Variants in MCTP2 observed in about 807,000 individuals in gnomAD.
The protein encoded by MCTP2 is multiple C2 and transmembrane domain containing 2.
MCTP2 carries 132 observed loss-of-function variants against 111.6 expected under a neutral mutation model. The observed-to-expected ratio is 1.18, with a 90% CI of 1.03 to 1.37. The LOEUF (loss-of-function observed/expected upper bound fraction) is 1.37. MCTP2 is among the 40% of genes most tolerant of loss of function. The probability of loss-of-function intolerance (pLI) is 0.00; values close to 1 mark genes in which losing one functional copy is unlikely to be tolerated. For synonymous variants in MCTP2, 395 were observed against 387.7 expected, an observed-to-expected ratio of 1.02 and a Z score of -0.22; for missense variants, 1,183 against 1,067.9, an observed-to-expected ratio of 1.11 and a Z score of -1.50.
chr15:94,345,411 T>A (rs957747373), intron 8 of MCTP2, among the ~76,000 whole-genome samples: 2 of 150,024 alleles, frequency 1.3e-5, no homozygotes, highest in Non-Finnish European at 2.9e-5. Flanking sequence ...TGTTAGAGTG[T>A]TACACTTCAT....
At chr15:94,294,780 G>T (rs1427092889) in intron 1 of MCTP2, among the ~76,000 whole-genome samples, 1 of 152,066 alleles carries the variant, frequency 6.6e-6, no homozygotes, top group African/African-American at 2.4e-5. Flanking sequence ...TCTCCCCTAG[G>T]ATTCCTAAGC....
At chr15:94,474,855 C>CTAAG (rs1245588084) in intron 21 of MCTP2, among the ~76,000 whole-genome samples, 7 of 113,814 alleles carry the variant, frequency 6.2e-5, no homozygotes, top group Admixed American at 6.0e-4. Context: ...AATTTTTATC[C>CTAAG]TAAGTTTTTT....
At chr15:94,233,768 A>G (rs1046674364) in intron 1 of MCTP2, among the ~76,000 whole-genome samples, 1 of 152,222 alleles carries the variant, frequency 6.6e-6, no homozygotes, top group Non-Finnish European at 1.5e-5. Context: ...CAGGAAAGTA[A>G]TTTTCAAATT....
chr15:94,278,634 G>T (rs1020605242), intron 1 of MCTP2, among the ~76,000 whole-genome samples: 1 of 152,106 alleles, frequency 6.6e-6, no homozygotes, highest in Non-Finnish European at 1.5e-5. Context: ...TGTTCCATGA[G>T]TAAATTGCAT....
chr15:94,350,919 A>G (rs1036450559), intron 8 of MCTP2, among the ~76,000 whole-genome samples: 1 of 152,048 alleles, frequency 6.6e-6, no homozygotes, highest in Non-Finnish European at 1.5e-5. Flanking sequence ...CATTAGAAGC[A>G]TTTCGCTGGT....
At chr15:94,298,913 C>T (rs1200706084) in intron 2 of MCTP2, among the ~76,000 whole-genome samples, 183 bp downstream of exon 2, 1 of 52,744 alleles carries the variant, frequency 1.9e-5, no homozygotes, top group East Asian at 7.8e-4. Context: ...CCCTCTCCCT[C>T]CCTCCCTCTC....
intron 1 of MCTP2, among the ~76,000 whole-genome samples, chr15:94,233,301 C>A (rs867330978): frequency 8.6e-5 from 13 of 151,610 alleles, no homozygotes; most frequent in Admixed American, 2.6e-4. Flanking sequence ...AAAGGCCTTT[C>A]AAAATATGTT....
At chr15:94,466,588 T>C (rs2073333713) in intron 20 of MCTP2, among the ~76,000 whole-genome samples, 1 of 152,050 alleles carries the variant, frequency 6.6e-6, no homozygotes, top group Non-Finnish European at 1.5e-5. Flanking sequence ...CTTTATGCAA[T>C]GGTCTCATAT....
chr15:94,396,304 A>T (rs369142009), intron 14 of MCTP2, among the ~76,000 whole-genome samples: 15 of 152,298 alleles, frequency 9.8e-5, no homozygotes, highest in East Asian at 9.6e-4. Context: ...AATGAAAAGT[A>T]TATATAGATT....
chr15:94,470,931 T>C (rs2073875366), intron 21 of MCTP2, among the ~76,000 whole-genome samples: 1 of 152,034 alleles, frequency 6.6e-6, no homozygotes, highest in South Asian at 2.1e-4. Flanking sequence ...GGAGGGGGCG[T>C]TCTGTGAATA....
chr15:94,348,093 T>C (rs1302227686), intron 8 of MCTP2, among the ~76,000 whole-genome samples: 1 of 152,300 alleles, frequency 6.6e-6, no homozygotes, highest in East Asian at 1.9e-4. Context: ...ATGTCTGCTG[T>C]CTAAAGTAAG....
At chr15:94,364,398 G>C (rs565862002) in intron 10 of MCTP2, among the ~76,000 whole-genome samples, 1 of 152,098 alleles carries the variant, frequency 6.6e-6, no homozygotes, top group Admixed American at 6.6e-5. Context: ...AAAAGAGCAA[G>C]ATTTTACTGG....
rs180886311 is a variant in MCTP2, at chr15:94,391,646, G to C, written c.1788+6121G>C. On this transcript the variant is annotated intron_variant, in intron 14 of 22. Coordinates refer to ENST00000357742, the MANE Select transcript of MCTP2 (RefSeq NM_001385001.1). ...TCACCTCTTCTCATTGTCTACTCCT[G>C]GTCCAATGTAACCATTGAAATAAAT... Among the ~76,000 whole-genome samples, 387 of 152,222 alleles carry C rather than the reference G, an allele frequency of 2.5e-3. 2 individuals are homozygous for C. Among genetic ancestry groups the C allele is most frequent in the Middle Eastern group, 0.017 (5 of 294 alleles).
chr15:94,469,482 A>AT (rs2073724574), intron 20 of MCTP2, among the ~76,000 whole-genome samples: 1 of 152,232 alleles, frequency 6.6e-6, no homozygotes, highest in Non-Finnish European at 1.5e-5. Flanking sequence ...TTCCCCATTT[A>AT]TTTCAAGACA....
At chr15:94,235,590 A>T (rs999846546) in intron 1 of MCTP2, among the ~76,000 whole-genome samples, 2 of 152,228 alleles carry the variant, frequency 1.3e-5, no homozygotes, top group Non-Finnish European at 2.9e-5. Context: ...TTGTATTACT[A>T]TCACTAACAT....
At chr15:94,413,569 A>AGT (rs34860214) in intron 17 of MCTP2, among the ~76,000 whole-genome samples, 54,857 of 148,960 alleles carry the variant, frequency 0.37, 11,230 homozygotes, top group African/African-American at 0.57. Flanking sequence ...CATGACGCTG[A>AGT]GTGTGTGTGT....
intron 1 of MCTP2, among the ~76,000 whole-genome samples, chr15:94,244,189 T>C (rs2071486041): frequency 6.8e-6 from 1 of 146,302 alleles, no homozygotes; most frequent in South Asian, 2.1e-4. Flanking sequence ...TATGTGTATA[T>C]GTTTATATAC....
chr15:94,471,165 AG>A (rs1006756591), intron 21 of MCTP2, among the ~76,000 whole-genome samples: 1 of 152,184 alleles, frequency 6.6e-6, no homozygotes, highest in Non-Finnish European at 1.5e-5. Flanking sequence ...ATATAAGGAG[AG>A]GGAACTGCAA....
intron 21 of MCTP2, among the ~76,000 whole-genome samples, chr15:94,474,814 G>A (rs891477594): frequency 6.6e-6 from 1 of 151,996 alleles, no homozygotes; most frequent in African/African-American, 2.4e-5. Flanking sequence ...AATAAGGTGT[G>A]CATTTGAAAC....
Sources: allele counts gnomAD v4.1 joint callset (sites outside exome capture counted in the v4.1 genomes callset), GRCh38; gene constraint gnomAD v4.1.1; transcripts MANE v1.5; gene names NCBI Gene and HGNC (gene_info 2026-07-23, HGNC 2026-07-21).